METTL15: variants seen among roughly 807,000 people sequenced by gnomAD.
The protein encoded by METTL15 is methyltransferase 15, mitochondrial 12S rRNA N4-cytidine, also known as 12S rRNA N(4)-cytidine methyltransferase METTL15.
Under a neutral mutation model 38.3 loss-of-function variants are expected in METTL15, and 34 were observed. The ratio of observed to expected loss-of-function variants is 0.89; its 90% CI spans 0.68 to 1.18. METTL15 has a LOEUF of 1.18. METTL15 is among the 50% of genes most tolerant of loss of function. The probability of loss-of-function intolerance (pLI) is 0.00; values close to 1 mark genes in which losing one functional copy is unlikely to be tolerated. For synonymous variants in METTL15, 162 were observed against 170.9 expected (o/e 0.95, Z 0.41); for missense variants, 438 against 498.4 (o/e 0.88, Z 1.15).
At chr11:28,326,792 T>G (rs926264039) in intron 6 of METTL15, among the ~76,000 whole-genome samples, 3 of 151,936 alleles carry the variant, frequency 2.0e-5, no homozygotes, top group Non-Finnish European at 4.4e-5. Flanking sequence ...TTTTGGTTTT[T>G]GTTTTTTTGT....
At chr11:28,198,437 T>C (rs1417551143) in intron 3 of METTL15, among the ~76,000 whole-genome samples, 2 of 152,058 alleles carry the variant, frequency 1.3e-5, no homozygotes, top group Non-Finnish European at 2.9e-5. Flanking sequence ...AGTAAAGATT[T>C]ATTTTGTGAA....
At chr11:28,159,290 G>C (rs547254893) in intron 3 of METTL15, among the ~76,000 whole-genome samples, 20 of 152,236 alleles carry the variant, frequency 1.3e-4, no homozygotes, top group Admixed American at 9.8e-4. Flanking sequence ...GTAAGGAAGA[G>C]GAAGAGTTGC....
chr11:28,523,746 G>T (rs375216860), intron 6 of METTL15, among the ~76,000 whole-genome samples: 4 of 152,172 alleles, frequency 2.6e-5, no homozygotes, highest in East Asian at 3.8e-4. Context: ...ATAAATGAAG[G>T]CCCATTCTAT....
intron 4 of METTL15, among the ~76,000 whole-genome samples, chr11:28,240,683 T>C (rs1258697609): frequency 6.6e-6 from 1 of 152,192 alleles, no homozygotes; most frequent in Admixed American, 6.5e-5. Flanking sequence ...TCTGCATTGA[T>C]GTATTGGCAA....
chr11:28,433,091 T>A (rs1319242701), intron 6 of METTL15, among the ~76,000 whole-genome samples: 4 of 152,238 alleles, frequency 2.6e-5, no homozygotes, highest in African/African-American at 9.6e-5. Flanking sequence ...GAACTGTCAT[T>A]CTATTAATGC....
intron 6 of METTL15, among the ~76,000 whole-genome samples, chr11:28,455,984 G>T (rs1851165054): frequency 6.6e-6 from 1 of 152,152 alleles, no homozygotes; most frequent in South Asian, 2.1e-4. Flanking sequence ...GGGATTACAG[G>T]CATGAGCCAC....
chr11:28,398,139 C>T (rs1406916931), intron 5 of METTL15, among the ~76,000 whole-genome samples: 2 of 151,208 alleles, frequency 1.3e-5, no homozygotes, highest in Non-Finnish European at 3.0e-5. Flanking sequence ...CCTAATTGTG[C>T]ATCACACCAA....
intron 4 of METTL15, among the ~76,000 whole-genome samples, chr11:28,265,860 G>C (rs1001980884): frequency 6.6e-6 from 1 of 152,164 alleles, no homozygotes; most frequent in Non-Finnish European, 1.5e-5. Context: ...TGTGCACAAC[G>C]TGCAGGTTAG....
intron 6 of METTL15, among the ~76,000 whole-genome samples, chr11:28,433,978 C>T (rs1247931345): frequency 6.6e-6 from 1 of 152,154 alleles, no homozygotes; most frequent in Non-Finnish European, 1.5e-5. Context: ...CCTTGGGCAT[C>T]GTTCTGCATT....
At chr11:28,350,189 C>G (rs1000756936) in intron 3 of METTL15, among the ~76,000 whole-genome samples, 1 of 152,118 alleles carries the variant, frequency 6.6e-6, no homozygotes, top group Non-Finnish European at 1.5e-5. Context: ...AGAGAGATGG[C>G]CACCATAATC....
rs549358723 is a variant in METTL15 at position 28,216,377 on chromosome 11, A to T, written c.407+5179A>T. The stretch of plus-strand genomic sequence containing the variant: ...TAAAATATTTTAATTCATTGAGAAA[A>T]TGGTGCATAATTAAAAAATGATGCT... On this transcript the variant is annotated intron_variant, in intron 4 of 6. Transcript: ENST00000407364. 9.9e-5 allele frequency among the ~76,000 whole-genome samples: 15 copies of T among 152,250 alleles called. No homozygotes were observed. In the South Asian group the frequency reaches 3.1e-3, roughly 32 times the overall value.
At chr11:28,274,009 T>A (rs191523169) in intron 4 of METTL15, among the ~76,000 whole-genome samples, 7 of 152,192 alleles carry the variant, frequency 4.6e-5, no homozygotes, top group Admixed American at 3.9e-4. Flanking sequence ...AATATACACT[T>A]GCATATTCTT....
chr11:28,409,109 G>T (rs944557613), intron 5 of METTL15, among the ~76,000 whole-genome samples: 2 of 152,074 alleles, frequency 1.3e-5, no homozygotes, highest in African/African-American at 2.4e-5. Flanking sequence ...CGGGCTGGGC[G>T]CAGTGGCTCA....
intron 6 of METTL15, among the ~76,000 whole-genome samples, chr11:28,498,771 G>T (rs940809238): frequency 6.6e-6 from 1 of 152,130 alleles, no homozygotes; most frequent in African/African-American, 2.4e-5. Flanking sequence ...TCATGATACG[G>T]TAAGGTCCCT....
intron 6 of METTL15, among the ~76,000 whole-genome samples, chr11:28,446,830 C>T (rs1284807028): frequency 2.0e-5 from 3 of 151,954 alleles, no homozygotes; most frequent in Non-Finnish European, 2.9e-5. Flanking sequence ...TCTTTCCATA[C>T]CCCTAATCAC....
intron 6 of METTL15, among the ~76,000 whole-genome samples, chr11:28,495,626 C>T (rs1851529509): frequency 2.0e-5 from 3 of 152,050 alleles, no homozygotes; most frequent in Admixed American, 2.0e-4. Flanking sequence ...TCTGAGATTT[C>T]AGACATTTTC....
intron 4 of METTL15, among the ~76,000 whole-genome samples, chr11:28,249,494 G>A (rs1301985701): frequency 2.0e-5 from 3 of 151,918 alleles, no homozygotes; most frequent in African/African-American, 7.2e-5. Flanking sequence ...TTAGGTTTTA[G>A]TTTCTGTGAT....
chr11:28,120,766 A>G (rs1021551879), intron 3 of METTL15, among the ~76,000 whole-genome samples: 6 of 152,122 alleles, frequency 3.9e-5, no homozygotes, highest in African/African-American at 1.4e-4. Flanking sequence ...CATCTTGTTC[A>G]TATTTCAGTA....
intron 3 of METTL15, among the ~76,000 whole-genome samples, chr11:28,208,121 C>T (rs1852446218): frequency 1.3e-5 from 2 of 152,072 alleles, no homozygotes; most frequent in African/African-American, 2.4e-5. Flanking sequence ...CAGTTCTGCT[C>T]TGATTTTAAT....
Sources: allele counts gnomAD v4.1 joint callset (sites outside exome capture counted in the v4.1 genomes callset), GRCh38; gene constraint gnomAD v4.1.1; transcripts MANE v1.5; gene names NCBI Gene and HGNC (gene_info 2026-07-23, HGNC 2026-07-21).